The following METTL8 variants were observed in gnomAD, a reference collection of about 807,000 sequenced individuals.
The protein encoded by METTL8 is methyltransferase 8, tRNA N3-cytidine.
Under a neutral mutation model 48.7 loss-of-function variants are expected in METTL8, and 32 were observed. The ratio of observed to expected loss-of-function variants is 0.66; its 90% CI spans 0.50 to 0.88. The LOEUF (loss-of-function observed/expected upper bound fraction) is 0.88. Ranked by LOEUF, METTL8 falls within the 40% of genes least tolerant of loss-of-function variation. The pLI, the probability that METTL8 is intolerant of heterozygous loss-of-function variation, is 0.00. For synonymous variants in METTL8, 136 were observed against 157.1 expected (o/e 0.87, Z 1.01); for missense variants, 464 against 474.4 (o/e 0.98, Z 0.20).
chr2:171,421,244 A>T (rs560000569), intron 1 of METTL8, among the ~76,000 whole-genome samples: 21 of 152,344 alleles, frequency 1.4e-4, no homozygotes, highest in Non-Finnish European at 2.4e-4. Context: ...ATATTTTCAT[A>T]TACTAGCAAA....
At chr2:171,406,746 G>C (rs191837070) in intron 1 of METTL8, among the ~76,000 whole-genome samples, 1 of 152,218 alleles carries the variant, frequency 6.6e-6, no homozygotes, top group Admixed American at 6.5e-5. Context: ...GCCATGAGTG[G>C]GCCTAACGTT....
In METTL8 at chr2:171,322,485, C is replaced by T. The variant is rs1684573609; in HGVS notation, c.*1687G>A. On this transcript the variant is annotated 3_prime_UTR_variant, in exon 10 of 10. Transcript: ENST00000375258. ...GGCGCGGTGGCTCACACCTGTAATC[C>T]CAGCACTTTGGGAGGCCGAGGCGGG... 6.6e-6 allele frequency: 1 copy of T among 151,192 alleles called. No individual in the cohort carries two copies. Among genetic ancestry groups the T allele is most frequent in the African/African-American group, 2.4e-5 (1 of 41,166 alleles). The allele number at this position is 151,192 out of a possible 1,614,324, so 9.4% of individuals were successfully genotyped here.
chr2:171,410,333 A>C (rs1048430627), intron 1 of METTL8, among the ~76,000 whole-genome samples: 1 of 152,236 alleles, frequency 6.6e-6, no homozygotes, highest in African/African-American at 2.4e-5. Context: ...AAAACTGGCA[A>C]ATCCTATTTT....
chr2:171,346,922 G>C (rs536628426), intron 3 of METTL8, among the ~76,000 whole-genome samples: 1 of 152,182 alleles, frequency 6.6e-6, no homozygotes, highest in Non-Finnish European at 1.5e-5. Flanking sequence ...TCACTGTAAC[G>C]TCCTGCCACT....
rs1344610770 is a variant in METTL8 at position 171,392,122 on chromosome 2, G to A, written c.64C>T (p.Gln22Ter). Residue 22 changes from glutamine (Q) to a stop codon, truncating the protein, a stop_gained, in exon 2 of 10, where the codon CAA becomes TAA. Coordinates refer to ENST00000375258, the MANE Select transcript of METTL8 (RefSeq NM_001321154.2). LOFTEE classifies it high-confidence loss of function. The stretch of plus-strand genomic sequence containing the variant: ...GGGGCCACTGGGTGGTAACCACTTT[G>A]GTATCTGTGTGGCACCTTTCCTAGC... ...LRLGKVPHRY[Q>*]SGYHPVAPLG... The A allele has an allele frequency of 2.6e-6, 4 of 1,551,480 alleles. No homozygotes were observed. Among genetic ancestry groups the A allele is most frequent in the Non-Finnish European group, 3.5e-6 (4 of 1,146,878 alleles).
chr2:171,346,169 C>T (rs1687243857), intron 3 of METTL8, among the ~76,000 whole-genome samples: 1 of 152,228 alleles, frequency 6.6e-6, no homozygotes, highest in East Asian at 1.9e-4. Flanking sequence ...GCTAGGACTA[C>T]AAGCACGCAC....
At chr2:171,420,792 T>C (rs1468645122) in intron 1 of METTL8, among the ~76,000 whole-genome samples, 3 of 152,192 alleles carry the variant, frequency 2.0e-5, no homozygotes, top group Non-Finnish European at 4.4e-5. Context: ...TAAAAAATCA[T>C]ATAATGACCT....
At chr2:171,351,432 A>T (rs1337668189) in intron 3 of METTL8, among the ~76,000 whole-genome samples, 1 of 152,088 alleles carries the variant, frequency 6.6e-6, no homozygotes, top group East Asian at 1.9e-4. Flanking sequence ...CTTAGGATTG[A>T]CTTGGCAATG....
chr2:171,432,894 T>C (rs1044768472), intron 1 of METTL8: 2 of 152,212 alleles, frequency 1.3e-5, no homozygotes, highest in African/African-American at 4.8e-5. Context: ...CTATAACATA[T>C]TTCTGGTCAC....
chr2:171,347,802 C>T (rs1380222343), intron 3 of METTL8, among the ~76,000 whole-genome samples: 1 of 152,202 alleles, frequency 6.6e-6, no homozygotes, highest in Non-Finnish European at 1.5e-5. Context: ...GTAAGCAGTA[C>T]TGCCACTGGT....
chr2:171,381,569 A>ACCC (rs1687539800), intron 2 of METTL8, among the ~76,000 whole-genome samples: 2 of 151,404 alleles, frequency 1.3e-5, no homozygotes, highest in East Asian at 1.9e-4. Context: ...AGAAAAAAAA[A>ACCC]CATCAAAAAG....
rs928530741 is a variant in METTL8 at position 171,392,187 on chromosome 2, C to T, written c.-2G>A. The T allele has an allele frequency of 1.0e-5, 16 of 1,550,516 alleles. No homozygotes were observed. Among genetic ancestry groups the T allele is most frequent in the Admixed American group, 2.0e-5 (1 of 50,832 alleles). On this transcript the variant is annotated 5_prime_UTR_variant, in exon 2 of 10. Coordinates refer to ENST00000375258, the MANE Select transcript of METTL8 (RefSeq NM_001321154.2). ...GGAATTTCTCCAAATCATATTCATC[C>T]TAAGCAGTACCTAAAAAGTTACAAA...
chr2:171,391,398 G>C (rs1314498026), intron 2 of METTL8, among the ~76,000 whole-genome samples: 1 of 152,164 alleles, frequency 6.6e-6, no homozygotes, highest in Non-Finnish European at 1.5e-5. Flanking sequence ...CATTTCTGAG[G>C]TGTGCCTGTA....
chr2:171,397,464 G>A lies in METTL8; in HGVS notation c.-12-5267C>T, dbSNP rs566076057. 1.4e-4 allele frequency among the ~76,000 whole-genome samples: 21 copies of A among 149,482 alleles called. No individual in the cohort carries two copies. The South Asian group carries it at 4.0e-3, about 29-fold the overall frequency. ...AGCTACTTGGGAGGCCAACGAGGGA[G>A]GATCACTTGAGTTCAGGAGTTCAAG... On this transcript the variant is annotated intron_variant, in intron 1 of 9. Coordinates refer to ENST00000375258, the MANE Select transcript of METTL8 (RefSeq NM_001321154.2).
At chr2:171,394,715 T>C (rs1235079085) in intron 1 of METTL8, among the ~76,000 whole-genome samples, 1 of 152,226 alleles carries the variant, frequency 6.6e-6, no homozygotes, top group African/African-American at 2.4e-5. Flanking sequence ...ATATAGGAGA[T>C]AATATAAATA....
intron 3 of METTL8, among the ~76,000 whole-genome samples, chr2:171,343,816 C>T (rs1184136370): frequency 6.6e-6 from 1 of 152,176 alleles, no homozygotes; most frequent in Non-Finnish European, 1.5e-5. Flanking sequence ...GAACATTAAA[C>T]ATTATCAGTT....
At chr2:171,366,243 GATCT>G (rs1685705507) in intron 2 of METTL8, among the ~76,000 whole-genome samples, 2 of 152,284 alleles carry the variant, frequency 1.3e-5, no homozygotes, top group African/African-American at 4.8e-5. Flanking sequence ...ACAGTGGAAA[GATCT>G]ATCTGAGCAT....
chr2:171,324,213 T>G lies in METTL8; in HGVS notation c.1183A>C (p.Asn395His). ...KFQKPLHQTQ[N>H]SSNMVSTLLS... ...AGTGTAGATACCATATTGGAGCTATTCTGAGTCTGGTGCAATGGTTTCTGG... is the reference window on the plus strand; with the variant it reads ...AGTGTAGATACCATATTGGAGCTATGCTGAGTCTGGTGCAATGGTTTCTGG... The change falls in exon 10 of 10, where the codon AAT becomes CAT. Residue 395 changes from asparagine to histidine, a missense_variant. Asn to His is a moderately conservative substitution (Grantham distance 68). Transcript: ENST00000375258. The G allele has an allele frequency of 6.4e-7, 1 of 1,550,768 alleles. No individual in the cohort carries two copies. Among genetic ancestry groups the G allele is most frequent in the South Asian group, 1.2e-5 (1 of 83,998 alleles).
chr2:171,357,966 G>A (rs188238531), intron 3 of METTL8, among the ~76,000 whole-genome samples: 22 of 152,126 alleles, frequency 1.4e-4, no homozygotes, highest in African/African-American at 4.6e-4. Context: ...AAAATGCTGG[G>A]ATTACAAGTG....
Sources: gnomAD v4.1 joint callset for allele counts (sites outside exome capture counted in the v4.1 genomes callset) on GRCh38, gnomAD v4.1.1 for gene constraint, MANE v1.5 for transcripts, NCBI Gene and HGNC (gene_info 2026-07-23, HGNC 2026-07-21) for gene names.